The following PSMG4 variants were observed in gnomAD, a reference collection of about 807,000 sequenced individuals.
PSMG4 encodes the protein proteasome (prosome, macropain) assembly chaperone 4.
PSMG4 carries 10 observed loss-of-function variants against 11.0 expected under a neutral mutation model. The ratio of observed to expected loss-of-function variants is 0.91; its 90% CI spans 0.56 to 1.54. The LOEUF (loss-of-function observed/expected upper bound fraction) is 1.54. Ranked by LOEUF, PSMG4 falls within the 40% of genes most tolerant of loss-of-function variation. PSMG4 has a pLI of 0.00. For synonymous variants in PSMG4, 95 were observed against 71.3 expected (o/e 1.33, Z -1.68); for missense variants, 198 against 160.9 (o/e 1.23, Z -1.25).
At chr6:3,255,167 GC>G (rs539615373), upstream of PSMG4, 547 of 1,550,838 alleles carry the variant, frequency 3.5e-4, 9 homozygotes, top group South Asian at 6.3e-3. Flanking sequence ...CATACTGACG[GC>G]TTACATGTGC....
In PSMG4 at chr6:3,259,201, G is replaced by T. The variant is rs1449014297; in HGVS notation, c.174+5G>T. On this transcript the variant is annotated splice_donor_5th_base_variant and intron_variant, in intron 1 of 2. Coordinates refer to ENST00000438998, the MANE Select transcript of PSMG4 (RefSeq NM_001128591.2). ...GTGGCCATGTGCAGCCGCTACGTGA[G>T]TGCCTGGCGGCCGAGGGTGCGGGCG... 1.5e-6 allele frequency: 2 copies of T among 1,291,832 alleles called. No homozygotes were observed. Among genetic ancestry groups the T allele is most frequent in the Non-Finnish European group, 9.8e-7 (1 of 1,021,050 alleles). The allele number at this position is 1,291,832 out of a possible 1,614,324, so 80.0% of individuals were successfully genotyped here.
chr6:3,255,270 G>A, upstream of PSMG4: 1 of 1,543,142 alleles, frequency 6.5e-7, no homozygotes. Flanking sequence ...TACCACGGCT[G>A]TCTTACGGGT....
At chr6:3,256,431 C>T (rs1478212453), upstream of PSMG4, among the ~76,000 whole-genome samples, 1 of 152,204 alleles carries the variant, frequency 6.6e-6, no homozygotes, top group Admixed American at 6.5e-5. Context: ...TTCAGTTTCC[C>T]CAGATCTCAA....
upstream of PSMG4, chr6:3,255,351 G>A (rs1757725071): frequency 6.9e-7 from 1 of 1,450,646 alleles, no homozygotes; most frequent in Non-Finnish European, 9.1e-7. Flanking sequence ...CTATGTAGTT[G>A]CTTAATTTTT....
intron 2 of PSMG4, chr6:3,264,331 G>C (rs1758106209): frequency 6.5e-7 from 1 of 1,548,732 alleles, no homozygotes. Flanking sequence ...GCCAGGTAAG[G>C]CTTCCATGTG....
At chr6:3,255,277 G>A (rs569911516), upstream of PSMG4, 191 of 1,539,910 alleles carry the variant, frequency 1.2e-4, no homozygotes, top group Admixed American at 4.7e-4. Flanking sequence ...GCTGTCTTAC[G>A]GGTCTATCGG....
chr6:3,255,127 G>A (rs980879736), upstream of PSMG4: 12 of 1,550,926 alleles, frequency 7.7e-6, no homozygotes, highest in South Asian at 3.6e-5. Flanking sequence ...AGCTTACCAC[G>A]TATTGGTCAT....
chr6:3,263,135 A>G (rs9503506), intron 1 of PSMG4, among the ~76,000 whole-genome samples: 4,804 of 79,840 alleles, frequency 0.06, 263 homozygotes, highest in African/African-American at 0.13. Flanking sequence ...TATTTTCCCT[A>G]TTTAGATGCT....
upstream of PSMG4, among the ~76,000 whole-genome samples, chr6:3,254,556 C>G (rs551505504): frequency 2.6e-5 from 4 of 151,746 alleles, no homozygotes; most frequent in Admixed American, 2.0e-4. Context: ...CAGATTTGTT[C>G]TCGGGGTTTG....
upstream of PSMG4, among the ~76,000 whole-genome samples, chr6:3,254,438 T>G (rs562412166): frequency 1.0e-4 from 11 of 110,424 alleles, no homozygotes; most frequent in Non-Finnish European, 1.7e-4. Context: ...CTTTGTGCTG[T>G]AATAGTTTTC....
At chr6:3,258,387 A>G (rs1429433331), upstream of PSMG4, among the ~76,000 whole-genome samples, 2 of 152,226 alleles carry the variant, frequency 1.3e-5, no homozygotes, top group African/African-American at 2.4e-5. Context: ...CTTAGTTGAC[A>G]CAATTTTCCT....
chr6:3,265,937 T>TAA (rs751512198), intron 2 of PSMG4: 1 of 144,464 alleles, frequency 6.9e-6, no homozygotes, highest in Non-Finnish European at 1.5e-5. Flanking sequence ...TTTTTTTTAA[T>TAA]AAAAAAACAG....
At chr6:3,255,376 T>A (rs917285651), upstream of PSMG4, 1 of 1,418,228 alleles carries the variant, frequency 7.1e-7, no homozygotes, top group Non-Finnish European at 9.3e-7. Flanking sequence ...TGGTGGATGA[T>A]GTTTGTTGAG....
upstream of PSMG4, among the ~76,000 whole-genome samples, chr6:3,256,362 C>G (rs914780605): frequency 6.6e-6 from 1 of 152,196 alleles, no homozygotes; most frequent in Non-Finnish European, 1.5e-5. Flanking sequence ...GGCGAGGACT[C>G]CCTTTATTTT....
upstream of PSMG4, among the ~76,000 whole-genome samples, chr6:3,254,639 T>C (rs566045254): frequency 1.3e-5 from 2 of 152,278 alleles, no homozygotes; most frequent in Non-Finnish European, 2.9e-5. Flanking sequence ...ACACTGATTG[T>C]GAAGGCCTAC....
At position 3,259,192 on chromosome 6, in the gene PSMG4, G is replaced by C; in HGVS notation, c.170G>C (p.Arg57Pro). The part of the protein sequence containing the change: ...LRNLAVAMCS[R>P]YDSIPVSTSL... ...AACCTCGCCGTGGCCATGTGCAGCC[G>C]CTACGTGAGTGCCTGGCGGCCGAGG... The change falls in exon 1 of 3, where the codon CGC becomes CCC. Residue 57 changes from arginine to proline, a missense_variant. Arg to Pro is a moderately radical substitution (Grantham distance 103, BLOSUM62 -2). Transcript: ENST00000438998. The C allele has an allele frequency of 1.5e-6, 2 of 1,302,838 alleles. No homozygotes were observed. The highest frequency in any genetic ancestry group is 4.9e-5 in the South Asian group (2 of 40,612). The allele number at this position is 1,302,838 out of a possible 1,614,324, so 80.7% of individuals were successfully genotyped here. A position where few individuals can be genotyped will look rare whatever the true frequency, so the allele number is the denominator to read the frequency against.
chr6:3,260,531 C>T (rs1311259106), intron 1 of PSMG4, among the ~76,000 whole-genome samples: 2 of 151,962 alleles, frequency 1.3e-5, no homozygotes, highest in Non-Finnish European at 1.5e-5. Flanking sequence ...TCGTGATCCG[C>T]CTGCCTCGGC....
upstream of PSMG4, among the ~76,000 whole-genome samples, chr6:3,254,584 C>CGATGGAAGT (rs1261737278): frequency 6.6e-6 from 1 of 151,824 alleles, no homozygotes; most frequent in Non-Finnish European, 1.5e-5. Context: ...GGGAACCCAA[C>CGATGGAAGT]GATGGAAGTA....
At chr6:3,263,636 C>T in intron 1 of PSMG4, 48 bp from the exon 2 acceptor site, 1 of 1,452,274 alleles carries the variant, frequency 6.9e-7, no homozygotes, top group Non-Finnish European at 9.2e-7. Context: ...GTGTGGCTGG[C>T]CTGCGGGGGG....
Sources: allele counts gnomAD v4.1 joint callset (sites outside exome capture counted in the v4.1 genomes callset), GRCh38; gene constraint gnomAD v4.1.1; transcripts MANE v1.5; gene names NCBI Gene and HGNC (gene_info 2026-07-23, HGNC 2026-07-21).